PFKP: variants seen among roughly 807,000 people sequenced by gnomAD.
PFKP encodes the protein ATP-dependent 6-phosphofructokinase, platelet type.
PFKP carries 101 observed loss-of-function variants against 94.3 expected under a neutral mutation model. The observed-to-expected ratio is 1.07, with a 90% CI of 0.91 to 1.26. The LOEUF (loss-of-function observed/expected upper bound fraction) is 1.26, where lower values mean the gene tolerates loss of function less well. Among genes scored for constraint, PFKP ranks in the 50% most tolerant of loss-of-function variants. PFKP has a pLI of 0.00. For synonymous variants in PFKP, 573 were observed against 432.6 expected, an observed-to-expected ratio of 1.32 and a Z score of -4.03; for missense variants, 1,145 against 1,103.3, an observed-to-expected ratio of 1.04 and a Z score of -0.53.
chr10:3,128,735 C>A (rs1838229609), intron 16 of PFKP, among the ~76,000 whole-genome samples: 1 of 152,154 alleles, frequency 6.6e-6, no homozygotes, highest in Admixed American at 6.5e-5. Flanking sequence ...TAAGGCCCAC[C>A]TGGGTACTCC....
chr10:3,130,847 G>A (rs889307021), intron 17 of PFKP, among the ~76,000 whole-genome samples: 8 of 152,074 alleles, frequency 5.3e-5, no homozygotes, highest in East Asian at 1.9e-4. Context: ...ATGAGCCACC[G>A]CGCCCAGCAC....
intron 16 of PFKP, among the ~76,000 whole-genome samples, chr10:3,126,975 C>T (rs886445495): frequency 1.3e-5 from 2 of 152,248 alleles, no homozygotes; most frequent in African/African-American, 2.4e-5. Flanking sequence ...AGCCCTGGGA[C>T]ACAGCCCTCT....
rs1263832175 is a variant in PFKP at position 3,113,187 on chromosome 10, A to AG, written c.1224+1dup. On this transcript the variant is annotated frameshift_variant and splice_region_variant, in exon 12 of 22. Transcript: ENST00000381125. LOFTEE classifies it high-confidence loss of function. ...AAGCTGCCGGATGATCAGATCCCAAAGGTAGGTGGCCGGCCTCCCGCGATG... is the reference window on the plus strand; with the variant it reads ...AAGCTGCCGGATGATCAGATCCCAAAGGGTAGGTGGCCGGCCTCCCGCGATG... 2 of 1,611,568 alleles carry AG rather than the reference A, an allele frequency of 1.2e-6. No individual in the cohort carries two copies. Among genetic ancestry groups the AG allele is most frequent in the Non-Finnish European group, 1.7e-6 (2 of 1,178,898 alleles).
intron 16 of PFKP, among the ~76,000 whole-genome samples, chr10:3,121,091 A>C (rs7082863): frequency 8.5e-5 from 13 of 152,080 alleles, no homozygotes; most frequent in African/African-American, 3.1e-4. Context: ...CATACAGCTC[A>C]TATGGTAAGT....
intron 2 of PFKP, among the ~76,000 whole-genome samples, chr10:3,097,613 G>C (rs1267618329): frequency 6.6e-6 from 1 of 152,206 alleles, no homozygotes; most frequent in Admixed American, 6.5e-5. Flanking sequence ...TGCAGACGGG[G>C]CTGCCAGCGC....
At chr10:3,069,077 G>A (rs1431592134) in intron 1 of PFKP, among the ~76,000 whole-genome samples, 2 of 151,228 alleles carry the variant, frequency 1.3e-5, no homozygotes, top group East Asian at 2.0e-4. Context: ...TCGTCTCCAC[G>A]AGCCCCGGCC....
At chr10:3,130,008 G>A (rs1244935950) in intron 17 of PFKP, 25 bp downstream of exon 17, 4 of 1,545,458 alleles carry the variant, frequency 2.6e-6, no homozygotes, top group Non-Finnish European at 3.5e-6. Flanking sequence ...TGGCCTCAGG[G>A]CCCGTCCCCT....
intron 16 of PFKP, among the ~76,000 whole-genome samples, chr10:3,128,098 G>T (rs1344608309): frequency 2.0e-5 from 3 of 152,106 alleles, no homozygotes; most frequent in African/African-American, 7.2e-5. Context: ...CGTTGACCAG[G>T]ACGGACGGAC....
At position 3,133,266 on chromosome 10, in the gene PFKP, C is replaced by T. The variant is rs766924656; in HGVS notation, c.1974C>T (p.Gly658=). The change falls in exon 19 of 22, where the codon GGC becomes GGT. Residue 658 remains glycine (G), a synonymous_variant. Transcript: ENST00000381125. ...DFIYQLYSEE[G]KGVFDCRKNV... ...TTTACCAGCTGTATTCAGAAGAGGGCAAAGGCGTGTTTGACTGCAGGAAGA... is the reference window on the plus strand; with the variant it reads ...TTTACCAGCTGTATTCAGAAGAGGGTAAAGGCGTGTTTGACTGCAGGAAGA... The T allele has an allele frequency of 6.2e-7, 1 of 1,614,098 alleles. No homozygotes were observed. The highest frequency in any genetic ancestry group is 8.5e-7 in the Non-Finnish European group (1 of 1,179,930).
At chr10:3,084,457 T>C (rs1833330165) in intron 2 of PFKP, among the ~76,000 whole-genome samples, 1 of 152,234 alleles carries the variant, frequency 6.6e-6, no homozygotes, top group Non-Finnish European at 1.5e-5. Flanking sequence ...TCATTGTTGT[T>C]TGCTTTTATT....
At chr10:3,068,809 G>A in intron 1 of PFKP, 2 of 561,530 alleles carry the variant, frequency 3.6e-6, no homozygotes, top group Non-Finnish European at 4.5e-6. Flanking sequence ...TGGAGACGCG[G>A]CGCGCCCCGA....
At position 3,113,107 on chromosome 10, in the gene PFKP, CT is replaced by C; in HGVS notation, c.1155-8del. ...TTCTCGACTCCGGTCCAACGACACC[CT>C]TTTCCTTTAGGAGCTTTGCGGGCAA... On this transcript the variant is annotated splice_polypyrimidine_tract_variant and intron_variant, in intron 11 of 21. Transcript: ENST00000381125. 1 of 1,610,674 alleles carries C rather than the reference CT, an allele frequency of 6.2e-7. No homozygotes were observed. The highest frequency in any genetic ancestry group is 8.5e-7 in the Non-Finnish European group (1 of 1,178,382).
intron 5 of PFKP, chr10:3,104,665 T>C (rs1177048616): frequency 9.1e-6 from 2 of 219,690 alleles, no homozygotes; most frequent in Non-Finnish European, 1.8e-5. Flanking sequence ...ATTTTTCCAT[T>C]CCCTGGGAAG....
chr10:3,092,750 A>G (rs1432005311), intron 2 of PFKP, among the ~76,000 whole-genome samples: 1 of 152,222 alleles, frequency 6.6e-6, no homozygotes, highest in African/African-American at 2.4e-5. Context: ...CATAGGAAAT[A>G]TTTCTTTTGG....
intron 5 of PFKP, 92 bp downstream of exon 5, chr10:3,104,036 T>G: frequency 8.5e-7 from 1 of 1,176,564 alleles, no homozygotes; most frequent in Non-Finnish European, 1.2e-6. Flanking sequence ...ATTCTGCAGA[T>G]TGGGTGTCCT....
chr10:3,114,608 C>T (rs1400957342), intron 13 of PFKP, among the ~76,000 whole-genome samples: 4 of 152,288 alleles, frequency 2.6e-5, no homozygotes, highest in East Asian at 3.9e-4. Context: ...AGAGGCATGC[C>T]GAGGAGGGCC....
At chr10:3,078,694 TC>T (rs1436916091) in intron 1 of PFKP, among the ~76,000 whole-genome samples, 5 of 152,220 alleles carry the variant, frequency 3.3e-5, no homozygotes, top group Admixed American at 6.5e-5. Context: ...AATCAGTTTA[TC>T]CCCCTAAGAG....
intron 17 of PFKP, among the ~76,000 whole-genome samples, chr10:3,130,566 A>AG (rs1838461091): frequency 6.6e-6 from 1 of 152,040 alleles, no homozygotes; most frequent in African/African-American, 2.4e-5. Context: ...AACTTGAACA[A>AG]TTGTCTTTAT....
intron 2 of PFKP, among the ~76,000 whole-genome samples, chr10:3,093,638 C>CTTTTTTTTTTTTTCTTTTTT (rs1834232036): frequency 1.1e-5 from 1 of 94,056 alleles, no homozygotes; most frequent in African/African-American, 4.7e-5. Context: ...CAAGCATTAT[C>CTTTTTTTTTTTTTCTTTTTT]TTTTTTTTTT....
Sources: allele counts gnomAD v4.1 joint callset (sites outside exome capture counted in the v4.1 genomes callset), GRCh38; gene constraint gnomAD v4.1.1; transcripts MANE v1.5; gene names NCBI Gene and HGNC (gene_info 2026-07-23, HGNC 2026-07-21).